Variants in TCTN1 observed in about 807,000 individuals in gnomAD.
TCTN1 encodes tectonic-1.
TCTN1 carries 58 observed loss-of-function variants against 65.8 expected under a neutral mutation model. That is an observed-to-expected ratio of 0.88 (90% CI 0.71 to 1.10). The LOEUF (loss-of-function observed/expected upper bound fraction) is 1.10, where lower values mean the gene tolerates loss of function less well. TCTN1 is among the 50% of genes least tolerant of loss of function. The pLI is 0.00. For synonymous variants in TCTN1, 273 were observed against 289.1 expected (o/e 0.94, Z 0.57); for missense variants, 645 against 719.4 (o/e 0.90, Z 1.18).
intron 2 of TCTN1, among the ~76,000 whole-genome samples, chr12:110,625,261 G>A (rs2065754230): frequency 6.6e-6 from 1 of 152,000 alleles, no homozygotes; most frequent in Non-Finnish European, 1.5e-5. Context: ...GTTTTTTTCT[G>A]TTAGAGGAAA....
chr12:110,614,765 C>G (rs1254302760), intron 1 of TCTN1, among the ~76,000 whole-genome samples: 1 of 152,182 alleles, frequency 6.6e-6, no homozygotes, highest in Non-Finnish European at 1.5e-5. Flanking sequence ...ACTGAACTTT[C>G]ACTTAAAGAG....
chr12:110,627,611 A>T (rs2065945258), intron 3 of TCTN1, among the ~76,000 whole-genome samples: 1 of 152,206 alleles, frequency 6.6e-6, no homozygotes. Context: ...CTAGGTTTCT[A>T]TATATACATG....
In TCTN1 at chr12:110,614,145, C is replaced by G; in HGVS notation, c.-38C>G. On this transcript the variant is annotated 5_prime_UTR_variant, in exon 1 of 15. Coordinates refer to ENST00000397659, the MANE Select transcript of TCTN1 (RefSeq NM_001082538.3). ...GCTGTCGCGGTTGCCGGGCAACGCG[C>G]TGTCCATGTCGCGGGCCTCGCTGGG... 4 of 1,544,506 alleles carry G rather than the reference C, an allele frequency of 2.6e-6. No homozygotes were observed. The highest frequency in any genetic ancestry group is 3.5e-6 in the Non-Finnish European group (4 of 1,146,288).
intron 11 of TCTN1, 144 bp downstream of exon 11, chr12:110,642,533 T>C (rs1204872253): frequency 5.1e-6 from 6 of 1,179,552 alleles, no homozygotes; most frequent in Non-Finnish European, 7.3e-6. Context: ...GCATGAATAG[T>C]AGCAAAACTG....
chr12:110,629,885 T>C (rs1565979362), intron 4 of TCTN1: 1 of 152,156 alleles, frequency 6.6e-6, no homozygotes, highest in Non-Finnish European at 1.5e-5. Context: ...ATGTGGCACA[T>C]ACACAACATG....
chr12:110,642,283 C>T lies in TCTN1; in HGVS notation c.1225C>T (p.Gln409Ter). The T allele has an allele frequency of 6.2e-7, 1 of 1,614,208 alleles. No homozygotes were observed. Among genetic ancestry groups the T allele is most frequent in the Non-Finnish European group, 8.5e-7 (1 of 1,180,042 alleles). The change falls in exon 11 of 15, where the codon CAG becomes TAG. Residue 409 changes from glutamine to a stop codon, truncating the protein, a stop_gained. Transcript: ENST00000397659. LOFTEE classifies it high-confidence loss of function. ...TATTCAGACCACAAATAGATATGGA[C>T]AGCTTACTATTCTTCATAGCACAAC... is the stretch of plus-strand genomic sequence containing the variant. The part of the protein sequence containing the change: ...GIIQTTNRYG[Q>*]LTILHSTTEQ...
chr12:110,634,350 A>G lies in TCTN1; in HGVS notation c.713-320A>G, dbSNP rs529605097. 2.2e-5 allele frequency: 10 copies of G among 461,346 alleles called. 1 individual carries two copies. The highest frequency in any genetic ancestry group is 2.0e-4 in the African/African-American group (10 of 50,398). The allele number at this position is 461,346 out of a possible 1,614,324, so 28.6% of individuals were successfully genotyped here. A position where few individuals can be genotyped will look rare whatever the true frequency, so the allele number is the denominator to read the frequency against. Reference sequence around the variant, plus strand: ...TCTTTTTGTGCTTTTTGAATTTTGAATCTCATGAATGTATTCTTTTTGAAA... The same window carrying G: ...TCTTTTTGTGCTTTTTGAATTTTGAGTCTCATGAATGTATTCTTTTTGAAA... On this transcript the variant is annotated intron_variant, in intron 5 of 14. Coordinates refer to ENST00000397659, the MANE Select transcript of TCTN1 (RefSeq NM_001082538.3).
At position 110,647,826 on chromosome 12, in the gene TCTN1, A is replaced by G; in HGVS notation, c.1713A>G (p.Ala571=). The change falls in exon 14 of 15, where the codon GCA becomes GCG. Residue 571 remains alanine, a synonymous_variant. Transcript: ENST00000397659. ...TFVDVSAPAE[A]GFRAPPAINA... ...TGGATGTGTCTGCACCTGCAGAGGC[A>G]GGCTTCAGAGCTCCACCAGCCATCA... The G allele has an allele frequency of 1.2e-6, 2 of 1,614,226 alleles. No homozygotes were observed. The highest frequency in any genetic ancestry group is 1.7e-6 in the Non-Finnish European group (2 of 1,180,048).
chr12:110,628,481 C>T (rs1446345259), intron 3 of TCTN1, among the ~76,000 whole-genome samples: 2 of 151,908 alleles, frequency 1.3e-5, no homozygotes, highest in Admixed American at 6.6e-5. Context: ...GCTGGGATTA[C>T]AGGTGCACAC....
chr12:110,643,418 C>T (rs2067092474), intron 11 of TCTN1: 1 of 152,166 alleles, frequency 6.6e-6, no homozygotes, highest in African/African-American at 2.4e-5. Flanking sequence ...AGTTCTTACC[C>T]TCATTTGCCC....
In TCTN1 at chr12:110,642,362, A is replaced by G. The variant is rs201007321; in HGVS notation, c.1304A>G (p.Tyr435Cys). ...GTCCGGACCCCAGTATTATTTGGTT[A>G]CACTATGCAATCTGGCTGTAAACTA... ...EGVRTPVLFGYTMQSGCKLRL... is the reference protein window; with the variant it reads ...EGVRTPVLFGCTMQSGCKLRL... The change falls in exon 11 of 15, where the codon TAC becomes TGC. Residue 435 changes from tyrosine (Y) to cysteine (C), a missense_variant. Transcript: ENST00000397659. The G allele has an allele frequency of 5.0e-4, 802 of 1,614,062 alleles. No homozygotes were observed. The highest frequency in any genetic ancestry group is 6.5e-4 in the Non-Finnish European group (763 of 1,180,042).
At chr12:110,617,224 GT>G (rs998145034) in intron 1 of TCTN1, among the ~76,000 whole-genome samples, 48 of 152,308 alleles carry the variant, frequency 3.2e-4, no homozygotes, top group Admixed American at 1.9e-3. Flanking sequence ...GAGAAGCACT[GT>G]AAACTTTAGG....
chr12:110,626,372 C>A lies in TCTN1; in HGVS notation c.352C>A (p.Gln118Lys). 1.3e-6 allele frequency: 2 copies of A among 1,585,612 alleles called. No homozygotes were observed. Among genetic ancestry groups the A allele is most frequent in the Non-Finnish European group, 1.7e-6 (2 of 1,163,310 alleles). The change falls in exon 3 of 15, where the codon CAG (glutamine) becomes AAG (lysine). Residue 118 changes from glutamine (Q) to lysine (K), a missense_variant. By Grantham distance (53) the Gln-to-Lys change is moderately conservative (BLOSUM62 1). Transcript: ENST00000397659. ...TTTTTTAATTTTCAGGGGCGACAGC[C>A]AGTTTTGTAGTCAAAAAGCAGTCAT... ...CSVPVVTGDSQFCSQKAVIYS... is the reference protein window; with the variant it reads ...CSVPVVTGDSKFCSQKAVIYS...
chr12:110,620,407 C>CAA (rs796340553), intron 2 of TCTN1, among the ~76,000 whole-genome samples: 1 of 119,736 alleles, frequency 8.4e-6, no homozygotes. Flanking sequence ...GACTCAGTCT[C>CAA]AAAAAAAAAA....
chr12:110,644,926 A>T lies in TCTN1; in HGVS notation c.1332-41A>T. 1 of 1,612,582 alleles carries T rather than the reference A, an allele frequency of 6.2e-7. No individual in the cohort carries two copies. Among genetic ancestry groups the T allele is most frequent in the Non-Finnish European group, 8.5e-7 (1 of 1,178,650 alleles). On this transcript the variant is annotated intron_variant, in intron 11 of 14. Transcript: ENST00000397659. The surrounding 1 kb of genome is among the most constrained non-coding windows in gnomAD (Gnocchi z 4.6). ...AAAATGAAAAACTGCTGGTGGATGA[A>T]CAACAGCCTCATTCAGTTGACTTCT... is the stretch of plus-strand genomic sequence containing the variant.
At chr12:110,617,575 TCTC>T (rs2065130288) in intron 1 of TCTN1, among the ~76,000 whole-genome samples, 1 of 151,808 alleles carries the variant, frequency 6.6e-6, no homozygotes, top group Non-Finnish European at 1.5e-5. Flanking sequence ...GATCCACTCT[TCTC>T]AGCCTTCCAG....
At chr12:110,622,536 G>A (rs756358058) in intron 2 of TCTN1, among the ~76,000 whole-genome samples, 2 of 152,188 alleles carry the variant, frequency 1.3e-5, no homozygotes, top group African/African-American at 4.8e-5. Context: ...AACAGGAGCT[G>A]AGCTGGGTCC....
intron 1 of TCTN1, 98 bp downstream of exon 1, chr12:110,614,500 C>A: frequency 6.5e-7 from 1 of 1,540,692 alleles, no homozygotes. Flanking sequence ...TCTTATTGAG[C>A]ACTTACTGTG....
At position 110,628,297 on chromosome 12, in the gene TCTN1, T is replaced by C. The variant is rs1162435690; in HGVS notation, c.473-470T>C. On this transcript the variant is annotated intron_variant, in intron 3 of 14. Transcript: ENST00000397659. ...GAGTCTGGAGGTCCTGTTTGTTTAA[T>C]AAGCTTTAAAAAATCCTGGGAGAAG... is the stretch of plus-strand genomic sequence containing the variant. 6.1e-6 allele frequency: 9 copies of C among 1,465,840 alleles called. No individual in the cohort carries two copies. The East Asian group carries it at 1.5e-4, about 24-fold the overall frequency. 90.8% of individuals were successfully genotyped at this position (1,465,840 alleles called of 1,614,324 possible). A position where few individuals can be genotyped will look rare whatever the true frequency, so the allele number is the denominator to read the frequency against.
Sources: allele counts gnomAD v4.1 joint callset (sites outside exome capture counted in the v4.1 genomes callset), GRCh38; gene constraint gnomAD v4.1.1; non-coding constraint Gnocchi (gnomAD v3.1); transcripts MANE v1.5; gene names NCBI Gene and HGNC (gene_info 2026-07-23, HGNC 2026-07-21).